CMIP: variants seen among roughly 807,000 people sequenced by gnomAD.
CMIP encodes c-Maf inducing protein.
CMIP carries 13 observed loss-of-function variants against 97.3 expected under a neutral mutation model. The ratio of observed to expected loss-of-function variants is 0.13; its 90% confidence interval spans 0.09 to 0.21. CMIP has a LOEUF of 0.21. CMIP is among the 10% of genes least tolerant of loss of function. The pLI is 1.00. For synonymous variants in CMIP, 538 were observed against 436.3 expected (o/e 1.23, Z -2.91); for missense variants, 847 against 1,024.9 (o/e 0.83, Z 2.37).
intron 1 of CMIP, among the ~76,000 whole-genome samples, chr16:81,482,500 T>C (rs985132201): frequency 2.6e-5 from 4 of 152,040 alleles, no homozygotes. Flanking sequence ...TTTTAAGTCA[T>C]GGGGCAGACT....
At chr16:81,530,356 T>C (rs2090208730) in intron 1 of CMIP, among the ~76,000 whole-genome samples, 1 of 152,114 alleles carries the variant, frequency 6.6e-6, no homozygotes, top group South Asian at 2.1e-4. Flanking sequence ...GGGACCTAGG[T>C]GCAGTTCCTG....
intron 1 of CMIP, among the ~76,000 whole-genome samples, chr16:81,484,293 G>A (rs979106780): frequency 2.0e-5 from 3 of 152,358 alleles, no homozygotes; most frequent in Middle Eastern, 3.4e-3. Context: ...CCAGCTCGAG[G>A]AAGAGTTCTG....
intron 3 of CMIP, chr16:81,651,354 T>A: frequency 1.1e-6 from 1 of 900,136 alleles, no homozygotes; most frequent in Non-Finnish European, 1.3e-6. Flanking sequence ...CGGAACTAAC[T>A]CTGCCTCAAA....
chr16:81,510,974 C>T (rs142077829), intron 1 of CMIP, among the ~76,000 whole-genome samples: 66 of 152,318 alleles, frequency 4.3e-4, no homozygotes, highest in Admixed American at 1.9e-3. Context: ...CCTGATTCGG[C>T]CTCCCATAGT....
intron 1 of CMIP, among the ~76,000 whole-genome samples, chr16:81,496,631 A>G (rs917955258): frequency 2.0e-5 from 3 of 152,242 alleles, no homozygotes; most frequent in African/African-American, 7.2e-5. Flanking sequence ...GCTTTTGTGC[A>G]CGTGCTTCCA....
chr16:81,645,365 C>T (rs1480474109), intron 3 of CMIP: 13 of 1,442,382 alleles, frequency 9.0e-6, no homozygotes, highest in Admixed American at 7.0e-5. Flanking sequence ...GGTGTGTACG[C>T]GCGCGAGCCC....
intron 2 of CMIP, among the ~76,000 whole-genome samples, chr16:81,608,822 G>A (rs1009073984): frequency 1.3e-5 from 2 of 152,230 alleles, no homozygotes; most frequent in Admixed American, 1.3e-4. Context: ...TTATCAGTGG[G>A]AAGAAGACCT....
intron 2 of CMIP, among the ~76,000 whole-genome samples, chr16:81,612,084 G>C (rs1037272578): frequency 6.6e-6 from 1 of 152,206 alleles, no homozygotes; most frequent in South Asian, 2.1e-4. Flanking sequence ...ATTTCATTGT[G>C]GGGAGGCCAA....
At chr16:81,493,054 C>CG (rs1310811051) in intron 1 of CMIP, among the ~76,000 whole-genome samples, 1 of 152,050 alleles carries the variant, frequency 6.6e-6, no homozygotes, top group Non-Finnish European at 1.5e-5. Context: ...GAGCCGCTGG[C>CG]GGGGGTCACT....
At chr16:81,567,670 C>A (rs1233636029) in intron 1 of CMIP, among the ~76,000 whole-genome samples, 1 of 152,208 alleles carries the variant, frequency 6.6e-6, no homozygotes, top group Non-Finnish European at 1.5e-5. Flanking sequence ...GTATGCCACG[C>A]CGCCCTCAGG....
At chr16:81,457,134 C>T (rs1906599082) in intron 1 of CMIP, among the ~76,000 whole-genome samples, 1 of 152,038 alleles carries the variant, frequency 6.6e-6, no homozygotes, top group Non-Finnish European at 1.5e-5. Context: ...TGCCTCTGAC[C>T]TTTGGCACAC....
chr16:81,570,395 C>T (rs2091065842), intron 1 of CMIP, among the ~76,000 whole-genome samples: 1 of 152,154 alleles, frequency 6.6e-6, no homozygotes, highest in Non-Finnish European at 1.5e-5. Flanking sequence ...TGGCGGTGAA[C>T]CTGGCTTGGC....
intron 4 of CMIP, among the ~76,000 whole-genome samples, chr16:81,653,500 G>A (rs1437331859): frequency 3.3e-5 from 5 of 152,248 alleles, no homozygotes; most frequent in South Asian, 2.1e-4. Flanking sequence ...GACCAGCATC[G>A]TTCCAAGAGG....
At chr16:81,635,245 G>A (rs569773936) in intron 3 of CMIP, among the ~76,000 whole-genome samples, 11 of 138,838 alleles carry the variant, frequency 7.9e-5, no homozygotes, top group Admixed American at 4.7e-4. Flanking sequence ...TTGCTTTTTC[G>A]CTCTGGGTGG....
chr16:81,675,255 G>C (rs1434959731), intron 9 of CMIP, among the ~76,000 whole-genome samples: 1 of 152,162 alleles, frequency 6.6e-6, no homozygotes, highest in African/African-American at 2.4e-5. Flanking sequence ...CCAAGCTGGA[G>C]TGCGGTGGCG....
At chr16:81,456,331 G>A (rs1906543835) in intron 1 of CMIP, among the ~76,000 whole-genome samples, 1 of 152,214 alleles carries the variant, frequency 6.6e-6, no homozygotes, top group Non-Finnish European at 1.5e-5. Context: ...TGAGGCGTTA[G>A]CAGGGGAAAT....
Position 81,621,086 on chromosome 16 carries a change from G to A in CMIP, c.477+160G>A, listed in dbSNP as rs182186230. 121 of 726,742 alleles carry A rather than the reference G, an allele frequency of 1.7e-4. No homozygotes were observed. In the African/African-American group the frequency reaches 1.9e-3, roughly 12 times the overall value. The allele number at this position is 726,742 out of a possible 1,614,324, so 45.0% of individuals were successfully genotyped here. On this transcript the variant is annotated intron_variant, in intron 3 of 20. Transcript: ENST00000537098. The surrounding 1 kb of genome is among the most constrained non-coding windows in gnomAD (Gnocchi z 4.1). Reference sequence around the variant, plus strand: ...CCTACCTAAGAGCCCCTGGCCCTTCGTCCTCTGCTGTTCAATTCCTGTCCC... The same window carrying A: ...CCTACCTAAGAGCCCCTGGCCCTTCATCCTCTGCTGTTCAATTCCTGTCCC...
intron 1 of CMIP, among the ~76,000 whole-genome samples, chr16:81,604,038 A>G (rs923613772): frequency 2.6e-5 from 4 of 152,214 alleles, no homozygotes; most frequent in Non-Finnish European, 5.9e-5. Context: ...CCTTGGTCCT[A>G]AAAAGTCTGC....
intron 10 of CMIP, among the ~76,000 whole-genome samples, chr16:81,690,088 T>G (rs1192023250): frequency 6.6e-6 from 1 of 152,216 alleles, no homozygotes; most frequent in Non-Finnish European, 1.5e-5. Flanking sequence ...TCAGGTAGCG[T>G]GATGCCTCTA....
Sources: gnomAD v4.1 joint callset for allele counts (sites outside exome capture counted in the v4.1 genomes callset) on GRCh38, gnomAD v4.1.1 for gene constraint, Gnocchi (gnomAD v3.1) non-coding constraint, MANE v1.5 for transcripts, NCBI Gene and HGNC (gene_info 2026-07-23, HGNC 2026-07-21) for gene names.